Variants in ASH1L observed in about 807,000 individuals in gnomAD.
ASH1L encodes the protein histone-lysine N-methyltransferase ASH1L.
A neutral mutation model predicts 269.0 loss-of-function variants in ASH1L; 23 were observed. The observed-to-expected ratio is 0.09, with a 90% CI of 0.06 to 0.12. The LOEUF (loss-of-function observed/expected upper bound fraction) is 0.12. Ranked by LOEUF, ASH1L falls within the 10% of genes least tolerant of loss-of-function variation. ASH1L has a pLI of 1.00. For synonymous variants in ASH1L, 1,187 were observed against 1,253.5 expected (o/e 0.95, Z 1.12); for missense variants, 2,912 against 3,567.8 (o/e 0.82, Z 4.68).
rs534425876 is a variant in ASH1L, at chr1:155,374,927, AC to A, written c.6332+3353del. On this transcript the variant is annotated intron_variant, in intron 10 of 27. Transcript: ENST00000392403. Reference sequence around the variant, plus strand: ...ACCTCCAGGCTCAAGCGATCCTCCCACCTCAGCCTCCCAAGTAGCTGGGACT... The same window carrying A: ...ACCTCCAGGCTCAAGCGATCCTCCCACTCAGCCTCCCAAGTAGCTGGGACT... Among the ~76,000 whole-genome samples the A allele has an allele frequency of 5.3e-5, 8 of 151,968 alleles. No homozygotes were observed. In the East Asian group the frequency reaches 1.5e-3, roughly 29 times the overall value.
chr1:155,496,807 T>A (rs1667185763), intron 2 of ASH1L, among the ~76,000 whole-genome samples: 1 of 151,822 alleles, frequency 6.6e-6, no homozygotes, highest in Admixed American at 6.6e-5. Context: ...CTTGGCTATT[T>A]TTTTTTTTTA....
chr1:155,484,928 C>CAAAAAAA (rs761331437), intron 2 of ASH1L, among the ~76,000 whole-genome samples: 1 of 82,764 alleles, frequency 1.2e-5, no homozygotes, highest in Non-Finnish European at 2.2e-5. Flanking sequence ...TGCTCTGTCT[C>CAAAAAAA]AAAAAAAAAA....
At chr1:155,433,782 G>A (rs186467446) in intron 5 of ASH1L, 55 of 1,605,570 alleles carry the variant, frequency 3.4e-5, no homozygotes, top group East Asian at 1.3e-4. Context: ...TGTAAGCTGC[G>A]GCCCTTGCTG....
intron 2 of ASH1L, among the ~76,000 whole-genome samples, chr1:155,488,669 A>C (rs946788595): frequency 2.1e-4 from 13 of 62,472 alleles, no homozygotes; most frequent in South Asian, 1.0e-3. Flanking sequence ...ACTCTGTCAC[A>C]AAAAAAAAAA....
intron 5 of ASH1L, among the ~76,000 whole-genome samples, chr1:155,423,802 G>A (rs775907552): frequency 6.6e-6 from 1 of 152,014 alleles, no homozygotes; most frequent in Non-Finnish European, 1.5e-5. Flanking sequence ...GTGATTCGGC[G>A]CACTGCAACC....
intron 1 of ASH1L, among the ~76,000 whole-genome samples, chr1:155,542,409 C>A (rs1280517024): frequency 6.6e-6 from 1 of 151,830 alleles, no homozygotes; most frequent in Admixed American, 6.6e-5. Flanking sequence ...ATTAGCCAGG[C>A]GTGGTGGTGG....
intron 1 of ASH1L, among the ~76,000 whole-genome samples, chr1:155,525,074 C>T (rs574178920): frequency 6.6e-5 from 10 of 151,818 alleles, no homozygotes; most frequent in African/African-American, 1.9e-4. Context: ...ACAGCAAGAC[C>T]CTCTCTCTAC....
chr1:155,511,930 C>T (rs1026443860), intron 2 of ASH1L, among the ~76,000 whole-genome samples: 3 of 152,044 alleles, frequency 2.0e-5, no homozygotes, highest in Non-Finnish European at 2.9e-5. Flanking sequence ...CCTGTCTCAG[C>T]CTCCCAAGTA....
intron 7 of ASH1L, among the ~76,000 whole-genome samples, chr1:155,392,980 G>A (rs1047613989): frequency 2.6e-5 from 4 of 152,046 alleles, no homozygotes; most frequent in Non-Finnish European, 5.9e-5. Flanking sequence ...GAGCCACCGC[G>A]TCCAGCCTTG....
chr1:155,349,559 G>T lies in ASH1L; in HGVS notation c.7404C>A (p.Asn2468Lys). ...GAACCTACTTTTTCTTTGGGGGAAG[G>T]TTCAAAAGTGGAGCTGCCAGTGCTT... ...SRQALAAPLL[N>K]LPPKKKNADY... The change falls in exon 18 of 28, where the codon AAC becomes AAA. Residue 2468 changes from asparagine (N) to lysine (K), a missense_variant. By Grantham distance (94) the Asn-to-Lys change is moderately conservative. Coordinates refer to ENST00000392403, the MANE Select transcript of ASH1L (RefSeq NM_018489.3). 6.2e-7 allele frequency: 1 copy of T among 1,614,024 alleles called. No individual in the cohort carries two copies. Among genetic ancestry groups the T allele is most frequent in the Non-Finnish European group, 8.5e-7 (1 of 1,179,982 alleles).
chr1:155,497,649 G>A (rs1667239277), intron 2 of ASH1L, among the ~76,000 whole-genome samples: 1 of 152,142 alleles, frequency 6.6e-6, no homozygotes, highest in African/African-American at 2.4e-5. Flanking sequence ...GTTATACTTG[G>A]ATTTTCAACT....
Position 155,479,534 on chromosome 1 carries a change from A to G in ASH1L, c.3336T>C (p.Ser1112=). The G allele has an allele frequency of 6.2e-7, 1 of 1,614,238 alleles. No homozygotes were observed. Among genetic ancestry groups the G allele is most frequent in the Non-Finnish European group, 8.5e-7 (1 of 1,180,036 alleles). The change falls in exon 3 of 28, where the codon TCT becomes TCC. Residue 1112 remains serine, a synonymous_variant. Coordinates refer to ENST00000392403, the MANE Select transcript of ASH1L (RefSeq NM_018489.3). The part of the protein sequence containing the change: ...ILPSPICSQS[S]GTSGGQSPVS... Reference sequence around the variant, plus strand: ...CAGGGCTCTGACCTCCACTAGTCCCAGAAGACTGAGAGCAAATAGGTGATG... The same window carrying G: ...CAGGGCTCTGACCTCCACTAGTCCCGGAAGACTGAGAGCAAATAGGTGATG...
chr1:155,539,894 AAAAATAAAAAAT>A (rs1670309684), intron 1 of ASH1L, among the ~76,000 whole-genome samples: 2 of 151,760 alleles, frequency 1.3e-5, no homozygotes, highest in African/African-American at 2.4e-5. Context: ...CATCTCCACT[AAAAATAAAAAAT>A]AAAATAAAAA....
chr1:155,551,664 A>AG (rs1178747884), intron 1 of ASH1L, among the ~76,000 whole-genome samples: 6 of 145,986 alleles, frequency 4.1e-5, no homozygotes, highest in African/African-American at 1.3e-4. Context: ...CGTCTCAAAA[A>AG]AAAAAAAAAA....
At chr1:155,532,175 A>C (rs1270934823) in intron 1 of ASH1L, among the ~76,000 whole-genome samples, 1 of 152,224 alleles carries the variant, frequency 6.6e-6, no homozygotes, top group Non-Finnish European at 1.5e-5. Flanking sequence ...TATGTTTTCA[A>C]ATCTCTGGAA....
intron 2 of ASH1L, among the ~76,000 whole-genome samples, chr1:155,502,071 CTTTTT>C (rs769262562): frequency 7.9e-6 from 1 of 126,426 alleles, no homozygotes; most frequent in African/African-American, 2.9e-5. Context: ...CTTTTCTTTT[CTTTTT>C]TTTTTTTTTT....
At position 155,357,692 on chromosome 1, in the gene ASH1L, G is replaced by A; in HGVS notation, c.6853C>T (p.Arg2285Cys). The A allele has an allele frequency of 1.2e-6, 2 of 1,614,110 alleles. No homozygotes were observed. Among genetic ancestry groups the A allele is most frequent in the Non-Finnish European group, 1.7e-6 (2 of 1,180,020 alleles). The change falls in exon 14 of 28, where the codon CGT (arginine) becomes TGT (cysteine). Residue 2285 changes from arginine (R) to cysteine (C), a missense_variant. This residue lies in a region of ASH1L where 309 missense variants were observed against 435.1 expected (regional missense o/e 0.71). Transcript: ENST00000392403. ...CRGIIGGKSQ[R>C]VNGLTSSKNS... ...TTGCTGCTGGTGAGTCCATTCACAC[G>A]CTGACTCTTGCCTCCGATGATTCCT...
chr1:155,338,470 T>A, intron 26 of ASH1L, 80 bp from the exon 27 acceptor site: 1 of 1,369,138 alleles, frequency 7.3e-7, no homozygotes, highest in Non-Finnish European at 1.0e-6. Context: ...TCAAGATGGC[T>A]TGAGATCCTG....
At chr1:155,366,223 C>T (rs888794004) in intron 12 of ASH1L, among the ~76,000 whole-genome samples, 2 of 152,194 alleles carry the variant, frequency 1.3e-5, no homozygotes, top group South Asian at 2.1e-4. Context: ...TGGGCGTCCT[C>T]ACTACTACAC....
Sources: allele counts gnomAD v4.1 joint callset (sites outside exome capture counted in the v4.1 genomes callset), GRCh38; gene constraint gnomAD v4.1.1; regional missense constraint gnomAD v4.1.1; transcripts MANE v1.5; gene names NCBI Gene and HGNC (gene_info 2026-07-23, HGNC 2026-07-21).